The following CNTN4 variants were observed in gnomAD, a reference collection of about 807,000 sequenced individuals.
CNTN4 encodes contactin-4.
A neutral mutation model predicts 122.5 loss-of-function variants in CNTN4; 77 were observed. The ratio of observed to expected loss-of-function variants is 0.63; its 90% CI spans 0.52 to 0.76. The LOEUF (loss-of-function observed/expected upper bound fraction) is 0.76. Among genes scored for constraint, CNTN4 ranks in the 30% least tolerant of loss-of-function variants. CNTN4 has a pLI of 0.00. For missense variants in CNTN4, 1,256 were observed against 1,259.1 expected, an observed-to-expected ratio of 1.00 and a Z score of 0.04; for synonymous variants, 512 against 447.0, an observed-to-expected ratio of 1.15 and a Z score of -1.83.
intron 4 of CNTN4, among the ~76,000 whole-genome samples, chr3:2,668,240 C>A (rs898708792): frequency 2.6e-5 from 4 of 152,056 alleles, no homozygotes; most frequent in African/African-American, 9.7e-5. Flanking sequence ...AATGTTCTTC[C>A]ATTTGTTTGT....
chr3:2,546,761 T>C (rs2078262683), intron 3 of CNTN4, among the ~76,000 whole-genome samples: 1 of 152,084 alleles, frequency 6.6e-6, no homozygotes, highest in Admixed American at 6.6e-5. Context: ...AATAAATACT[T>C]CAGCAGAGTA....
intron 2 of CNTN4, among the ~76,000 whole-genome samples, chr3:2,105,840 C>A (rs534262039): frequency 3.3e-4 from 50 of 152,306 alleles, no homozygotes; most frequent in African/African-American, 1.2e-3. Context: ...TCCAAAGTCT[C>A]ATCTGAGACA....
intron 2 of CNTN4, among the ~76,000 whole-genome samples, chr3:2,126,834 A>C (rs1395570223): frequency 1.3e-5 from 2 of 152,138 alleles, no homozygotes; most frequent in African/African-American, 4.8e-5. Flanking sequence ...CAAAAGGTGA[A>C]ATATAGAAAT....
intron 7 of CNTN4, among the ~76,000 whole-genome samples, chr3:2,825,547 A>G (rs966131386): frequency 3.9e-5 from 6 of 152,074 alleles, no homozygotes; most frequent in Non-Finnish European, 7.4e-5. Context: ...AAATTAGCCA[A>G]GTGTGGTGGT....
chr3:2,376,499 G>T (rs1318607475), intron 3 of CNTN4, among the ~76,000 whole-genome samples: 2 of 152,066 alleles, frequency 1.3e-5, no homozygotes, highest in Non-Finnish European at 2.9e-5. Flanking sequence ...AGTGGTCTTT[G>T]AAGTATCAGT....
At chr3:2,198,271 T>C (rs1276877425) in intron 2 of CNTN4, among the ~76,000 whole-genome samples, 2 of 152,194 alleles carry the variant, frequency 1.3e-5, no homozygotes, top group Non-Finnish European at 2.9e-5. Flanking sequence ...ATTTGAAATA[T>C]ATATCTTCTC....
chr3:2,486,633 A>G (rs1161045681), intron 3 of CNTN4, among the ~76,000 whole-genome samples: 6 of 152,348 alleles, frequency 3.9e-5, no homozygotes, highest in Admixed American at 2.0e-4. Context: ...CAACTTAAAA[A>G]TGAAAATTTA....
At chr3:2,312,007 A>G (rs1254023907) in intron 2 of CNTN4, among the ~76,000 whole-genome samples, 1 of 152,100 alleles carries the variant, frequency 6.6e-6, no homozygotes, top group African/African-American at 2.4e-5. Flanking sequence ...GAAACTAATT[A>G]AGAAAAAAGT....
chr3:2,816,247 G>A (rs1032271739), intron 6 of CNTN4, among the ~76,000 whole-genome samples: 2 of 148,084 alleles, frequency 1.4e-5, no homozygotes, highest in Non-Finnish European at 2.9e-5. Context: ...CCAGCTACTC[G>A]GGAGGCTGAG....
intron 13 of CNTN4, among the ~76,000 whole-genome samples, chr3:2,933,596 C>G (rs942800936): frequency 1.3e-5 from 2 of 152,182 alleles, no homozygotes; most frequent in African/African-American, 2.4e-5. Flanking sequence ...TTCTTTCACG[C>G]TAGTAAAGGC....
At chr3:2,926,550 A>T (rs932229787) in intron 13 of CNTN4, among the ~76,000 whole-genome samples, 1 of 152,170 alleles carries the variant, frequency 6.6e-6, no homozygotes, top group Non-Finnish European at 1.5e-5. Context: ...TTATGCGTGA[A>T]TCTGTTTGTC....
intron 2 of CNTN4, among the ~76,000 whole-genome samples, chr3:2,324,164 C>T (rs1044941880): frequency 6.6e-6 from 1 of 152,004 alleles, no homozygotes; most frequent in Admixed American, 6.6e-5. Context: ...GGGGAGGGGG[C>T]AAGAAGAGCA....
chr3:2,193,675 G>A (rs1390491612), intron 2 of CNTN4, among the ~76,000 whole-genome samples: 1 of 152,114 alleles, frequency 6.6e-6, no homozygotes, highest in African/African-American at 2.4e-5. Flanking sequence ...TGTCAGTAAT[G>A]CATCACATAT....
At chr3:2,455,146 A>G (rs1395543968) in intron 3 of CNTN4, among the ~76,000 whole-genome samples, 1 of 152,178 alleles carries the variant, frequency 6.6e-6, no homozygotes, top group African/African-American at 2.4e-5. Context: ...GGATGGACTT[A>G]TGAGTTCTTC....
At chr3:2,707,922 T>A (rs1210197052) in intron 4 of CNTN4, among the ~76,000 whole-genome samples, 2 of 152,194 alleles carry the variant, frequency 1.3e-5, no homozygotes, top group African/African-American at 4.8e-5. Flanking sequence ...GCTAATGAAA[T>A]GAGTCTGAAA....
chr3:2,912,745 T>G (rs936255885), intron 12 of CNTN4, among the ~76,000 whole-genome samples: 2 of 152,238 alleles, frequency 1.3e-5, no homozygotes, highest in African/African-American at 4.8e-5. Flanking sequence ...GAATAGATTA[T>G]TATAACTTTA....
At chr3:2,598,779 ATTGTAT>A (rs2080890755) in intron 4 of CNTN4, among the ~76,000 whole-genome samples, 1 of 152,170 alleles carries the variant, frequency 6.6e-6, no homozygotes, top group Non-Finnish European at 1.5e-5. Flanking sequence ...ATGTAGAGCC[ATTGTAT>A]TTGTACAAAT....
intron 10 of CNTN4, among the ~76,000 whole-genome samples, chr3:2,897,944 G>A (rs775726521): frequency 2.0e-5 from 3 of 152,162 alleles, no homozygotes; most frequent in Non-Finnish European, 4.4e-5. Context: ...CAAAAGGGGA[G>A]GGGCTAATGA....
intron 12 of CNTN4, among the ~76,000 whole-genome samples, chr3:2,907,188 C>T (rs1351547804): frequency 5.9e-5 from 9 of 152,146 alleles, no homozygotes; most frequent in Non-Finnish European, 1.2e-4. Context: ...TCTTTTGGAT[C>T]AAATAACTAA....
Sources: gnomAD v4.1 joint callset for allele counts (sites outside exome capture counted in the v4.1 genomes callset) on GRCh38, gnomAD v4.1.1 for gene constraint, MANE v1.5 for transcripts, NCBI Gene and HGNC (gene_info 2026-07-23, HGNC 2026-07-21) for gene names.